CRYBB1: variants seen among roughly 807,000 people sequenced by gnomAD.
CRYBB1 encodes the protein beta-crystallin B1.
A neutral mutation model predicts 29.5 loss-of-function variants in CRYBB1; 16 were observed. The ratio of observed to expected loss-of-function variants is 0.54; its 90% CI spans 0.37 to 0.82. The LOEUF (loss-of-function observed/expected upper bound fraction) is 0.82, where lower values mean the gene tolerates loss of function less well. CRYBB1 is among the 40% of genes least tolerant of loss of function. The pLI, the probability that CRYBB1 is intolerant of heterozygous loss-of-function variation, is 0.00. For synonymous variants in CRYBB1, 127 were observed against 136.7 expected (o/e 0.93, Z 0.49); for missense variants, 300 against 350.5 (o/e 0.86, Z 1.15).
At chr22:26,602,446 C>A (rs192696559) in intron 4 of CRYBB1, among the ~76,000 whole-genome samples, 1 of 151,598 alleles carries the variant, frequency 6.6e-6, no homozygotes, top group African/African-American at 2.4e-5. Flanking sequence ...TTTTAATTTG[C>A]CAGGCATGGT....
At chr22:26,615,286 GAGGGTCTGAGGCCATCCTGCTGCCCC>G (rs1331618796) in intron 2 of CRYBB1, among the ~76,000 whole-genome samples, 1 of 152,134 alleles carries the variant, frequency 6.6e-6, no homozygotes, top group African/African-American at 2.4e-5. Flanking sequence ...GAGCAATTTT[GAGGGTCTGAGGCCATCCTGCTGCCCC>G]AGTGAGCCTC....
At chr22:26,603,568 G>A (rs137973324) in intron 4 of CRYBB1, among the ~76,000 whole-genome samples, 65 of 151,102 alleles carry the variant, frequency 4.3e-4, no homozygotes, top group African/African-American at 1.5e-3. Flanking sequence ...CTATTGCTTC[G>A]TGGGATTGTC....
At chr22:26,615,271 A>G (rs2145972041) in intron 2 of CRYBB1, among the ~76,000 whole-genome samples, 1 of 152,184 alleles carries the variant, frequency 6.6e-6, no homozygotes, top group East Asian at 1.9e-4. Flanking sequence ...AGCCCAGACC[A>G]CCTCGAGCAA....
At chr22:26,605,069 C>T (rs1468251512) in intron 4 of CRYBB1, among the ~76,000 whole-genome samples, 25 of 152,156 alleles carry the variant, frequency 1.6e-4, no homozygotes, top group Admixed American at 1.6e-3. Context: ...ACACTGTTCC[C>T]TGGAAGGCTT....
intron 4 of CRYBB1, among the ~76,000 whole-genome samples, chr22:26,602,360 G>A (rs1928847089): frequency 6.6e-6 from 1 of 151,996 alleles, no homozygotes; most frequent in South Asian, 2.1e-4. Flanking sequence ...CAGGTGGGAG[G>A]ACTGCTTGAG....
rs1474005950 is a variant in CRYBB1, at chr22:26,616,047, G to A, written c.180+93C>T. ...GAGAAAGAGGTGCGGAGGAGTAAGAGGTGAAAGAGGAAGAGGAGGAGGAGA... is the reference window on the plus strand; with the variant it reads ...GAGAAAGAGGTGCGGAGGAGTAAGAAGTGAAAGAGGAAGAGGAGGAGGAGA... On this transcript the variant is annotated intron_variant, in intron 2 of 5. Coordinates refer to ENST00000647684, the MANE Select transcript of CRYBB1 (RefSeq NM_001887.4). 3 of 988,552 alleles carry A rather than the reference G, an allele frequency of 3.0e-6. No homozygotes were observed. In the African/African-American group the frequency reaches 4.8e-5, roughly 16 times the overall value. 61.2% of individuals were successfully genotyped at this position (988,552 alleles called of 1,614,324 possible). A position where few individuals can be genotyped will look rare whatever the true frequency, so the allele number is the denominator to read the frequency against.
intron 3 of CRYBB1, among the ~76,000 whole-genome samples, chr22:26,611,463 TTTTTTG>T (rs1929158386): frequency 7.3e-6 from 1 of 136,390 alleles, no homozygotes; most frequent in African/African-American, 2.5e-5. Flanking sequence ...TGTTTTTTTT[TTTTTTG>T]TTTTTTTTTT....
chr22:26,614,864 A>G (rs1373778914), intron 2 of CRYBB1, among the ~76,000 whole-genome samples: 3 of 152,162 alleles, frequency 2.0e-5, no homozygotes, highest in African/African-American at 7.2e-5. Context: ...ATACATGTGT[A>G]TGTGTGTATA....
chr22:26,616,238 G>T lies in CRYBB1; in HGVS notation c.82C>A (p.Pro28Thr). Residue 28 changes from proline to threonine, a missense_variant, in exon 2 of 6, where the codon CCT (proline) becomes ACT (threonine). Physicochemically the swap from Pro to Thr is conservative, Grantham distance 38. Coordinates refer to ENST00000647684, the MANE Select transcript of CRYBB1 (RefSeq NM_001887.4). ...GPDTKGKGAP[P>T]AGTSPSPGTT... is the part of the protein sequence containing the mutation. ...CCGGGACTAGGGGATGTTCCTGCAG[G>T]TGGGGCCCCCTTCCCCTTGGTGTCA... 1 of 1,614,104 alleles carries T rather than the reference G, an allele frequency of 6.2e-7. No homozygotes were observed. The highest frequency in any genetic ancestry group is 8.5e-7 in the Non-Finnish European group (1 of 1,179,928).
rs76564656 is a variant in CRYBB1 at position 26,616,411 on chromosome 22, G to C, written c.-19-73C>G. The C allele has an allele frequency of 3.4e-3, 3,388 of 1,007,654 alleles. 94 individuals carry two copies. In the African/African-American group the frequency reaches 0.048, roughly 14 times the overall value. 62.4% of individuals were successfully genotyped at this position (1,007,654 alleles called of 1,614,324 possible). A position where few individuals can be genotyped will look rare whatever the true frequency, so the allele number is the denominator to read the frequency against. Reference sequence around the variant, plus strand: ...CTGCCCTCATAGCCCCACATCCTGTGCTTTCAGCCTCCTTGGAGCTCGTTT... The same window carrying C: ...CTGCCCTCATAGCCCCACATCCTGTCCTTTCAGCCTCCTTGGAGCTCGTTT... On this transcript the variant is annotated intron_variant, in intron 1 of 5. Transcript: ENST00000647684.
intron 4 of CRYBB1, among the ~76,000 whole-genome samples, chr22:26,607,016 C>A (rs960948601): frequency 7.1e-6 from 1 of 140,924 alleles, no homozygotes; most frequent in African/African-American, 2.6e-5. Flanking sequence ...CAGTATCCCT[C>A]TCCTTTTTTT....
intron 1 of CRYBB1, among the ~76,000 whole-genome samples, chr22:26,616,552 C>T (rs1185836377): frequency 6.6e-6 from 1 of 152,226 alleles, no homozygotes; most frequent in African/African-American, 2.4e-5. Context: ...TTCCTCCAGG[C>T]TTTTGACCAT....
At chr22:26,611,379 C>T (rs530812841) in intron 3 of CRYBB1, among the ~76,000 whole-genome samples, 6 of 152,288 alleles carry the variant, frequency 3.9e-5, no homozygotes, top group African/African-American at 9.6e-5. Flanking sequence ...GGCAGCTGGA[C>T]GCCCAGGAGA....
chr22:26,617,699 C>G (rs1329902631), intron 1 of CRYBB1, among the ~76,000 whole-genome samples: 1 of 152,114 alleles, frequency 6.6e-6, no homozygotes, highest in Non-Finnish European at 1.5e-5. Flanking sequence ...CTCTCCCTCT[C>G]TGTTCCTCTC....
intron 4 of CRYBB1, among the ~76,000 whole-genome samples, chr22:26,604,185 C>G (rs546235063): frequency 6.6e-6 from 1 of 152,148 alleles, no homozygotes; most frequent in African/African-American, 2.4e-5. Flanking sequence ...ACCCACAGAC[C>G]TTGGTTCAAA....
At chr22:26,617,578 C>G (rs1015618365) in intron 1 of CRYBB1, among the ~76,000 whole-genome samples, 5 of 151,948 alleles carry the variant, frequency 3.3e-5, no homozygotes, top group African/African-American at 1.2e-4. Flanking sequence ...TTCTCATTCT[C>G]TCTCTCTCCC....
chr22:26,608,076 C>T, intron 3 of CRYBB1, 55 bp from the exon 4 acceptor site: 3 of 1,613,314 alleles, frequency 1.9e-6, no homozygotes, highest in East Asian at 4.5e-5. Flanking sequence ...AGTAGAAGCC[C>T]CCACTCCCTA....
At chr22:26,612,505 G>A (rs568569836) in intron 2 of CRYBB1, among the ~76,000 whole-genome samples, 1 of 152,214 alleles carries the variant, frequency 6.6e-6, no homozygotes, top group East Asian at 1.9e-4. Flanking sequence ...GAGATTACAG[G>A]CACCCACCAC....
chr22:26,614,959 C>T (rs1347487791), intron 2 of CRYBB1, among the ~76,000 whole-genome samples: 1 of 151,964 alleles, frequency 6.6e-6, no homozygotes, highest in Admixed American at 6.6e-5. Flanking sequence ...GACAGTATTT[C>T]CTGGAGTTGG....
Sources: gnomAD v4.1 joint callset for allele counts (sites outside exome capture counted in the v4.1 genomes callset) on GRCh38, gnomAD v4.1.1 for gene constraint, MANE v1.5 for transcripts, NCBI Gene and HGNC (gene_info 2026-07-23, HGNC 2026-07-21) for gene names.